RBM44: variants seen among roughly 807,000 people sequenced by gnomAD.
RBM44 encodes the protein RNA binding motif protein 44.
RBM44 carries 66 observed loss-of-function variants against 105.1 expected under a neutral mutation model. That is an observed-to-expected ratio of 0.63 (90% CI 0.52 to 0.77). The LOEUF (loss-of-function observed/expected upper bound fraction) is 0.77. RBM44 is among the 30% of genes least tolerant of loss of function. RBM44 has a pLI of 0.00. For missense variants in RBM44, 1,122 were observed against 1,207.8 expected, an observed-to-expected ratio of 0.93 and a Z score of 1.05; for synonymous variants, 365 against 417.6, an observed-to-expected ratio of 0.87 and a Z score of 1.54.
chr2:237,806,788 C>T (rs1275102720), intron 1 of RBM44, among the ~76,000 whole-genome samples: 1 of 152,104 alleles, frequency 6.6e-6, no homozygotes, highest in Non-Finnish European at 1.5e-5. Flanking sequence ...TATCCCATGC[C>T]TTGACCTTAA....
At chr2:237,811,458 G>A (rs756082613) in intron 1 of RBM44, among the ~76,000 whole-genome samples, 13 of 151,928 alleles carry the variant, frequency 8.6e-5, no homozygotes, top group Non-Finnish European at 1.5e-4. Context: ...TTGTGGAGTC[G>A]GGGTTTTGCC....
rs1430811883 is a variant in RBM44, at chr2:237,829,469, T to C, written c.2853T>C (p.Ser951=). 4.3e-6 allele frequency: 7 copies of C among 1,613,312 alleles called. No homozygotes were observed. Among genetic ancestry groups the C allele is most frequent in the Non-Finnish European group, 5.9e-6 (7 of 1,179,612 alleles). The change falls in exon 13 of 16, where the codon TCT becomes TCC. Residue 951 remains serine (S), a synonymous_variant. Coordinates refer to ENST00000316997, the MANE Select transcript of RBM44 (RefSeq NM_001080504.3). The part of the protein sequence containing the change: ...LPRTRPRQLG[S]EQDSEVFPSD... ...GAACTAGGCCACGGCAGCTGGGTTC[T>C]GAGCAAGACAGTGAGGTTTTCCCTT...
chr2:237,841,364 CTT>C lies in RBM44; in HGVS notation c.*23-473_*23-472del, dbSNP rs952544021. 8.5e-5 allele frequency among the ~76,000 whole-genome samples: 13 copies of C among 152,144 alleles called. No homozygotes were observed. Among genetic ancestry groups the C allele is most frequent in the African/African-American group, 3.1e-4 (13 of 41,434 alleles). Reference sequence around the variant, plus strand: ...ATCTTACTTATAAATGGCAGCTAAACTTTGAGTACACATGGACAAAGAAGGGA... The same window carrying C: ...ATCTTACTTATAAATGGCAGCTAAACTGAGTACACATGGACAAAGAAGGGA... On this transcript the variant is annotated intron_variant, in intron 15 of 15. Coordinates refer to ENST00000316997, the MANE Select transcript of RBM44 (RefSeq NM_001080504.3). The surrounding 1 kb of genome is among the most constrained non-coding windows in gnomAD (Gnocchi z 4.5).
Position 237,821,785 on chromosome 2 carries a change from T to A in RBM44, c.2163T>A (p.His721Gln). Reference protein sequence around the residue: ...ADAEQDNQRAHDVDVSSNLKK... With the variant: ...ADAEQDNQRAQDVDVSSNLKK... ...CTGAACAAGATAATCAGAGGGCTCA[T>A]GATGTTGATGTTTCTTCAAACCTAA... is the stretch of plus-strand genomic sequence containing the variant. The change falls in exon 8 of 16, where the codon CAT (histidine) becomes CAA (glutamine). Residue 721 changes from histidine (H) to glutamine (Q), a missense_variant. This residue lies in a region of RBM44 where 918 missense variants were observed against 955.3 expected (regional missense o/e 0.96). Coordinates refer to ENST00000316997, the MANE Select transcript of RBM44 (RefSeq NM_001080504.3). The A allele has an allele frequency of 6.2e-7, 1 of 1,611,514 alleles. No individual in the cohort carries two copies. Among genetic ancestry groups the A allele is most frequent in the Non-Finnish European group, 8.5e-7 (1 of 1,178,344 alleles).
At chr2:237,833,537 A>G (rs2061923098) in intron 13 of RBM44, among the ~76,000 whole-genome samples, 1 of 152,220 alleles carries the variant, frequency 6.6e-6, no homozygotes, top group Admixed American at 6.5e-5. Context: ...AATACAATGT[A>G]AAATATCTCT....
intron 1 of RBM44, among the ~76,000 whole-genome samples, chr2:237,808,499 GT>G (rs2061622253): frequency 6.6e-6 from 1 of 151,310 alleles, no homozygotes; most frequent in African/African-American, 2.4e-5. Flanking sequence ...AAAAAACTAG[GT>G]AAAAATTCTA....
chr2:237,800,630 T>C (rs2061535827), intron 1 of RBM44, among the ~76,000 whole-genome samples: 1 of 152,140 alleles, frequency 6.6e-6, no homozygotes. Context: ...TATGAATAAA[T>C]TAATAAATAT....
intron 5 of RBM44, chr2:237,820,762 G>C (rs186537893): frequency 7.3e-6 from 2 of 272,902 alleles, no homozygotes. Context: ...TTAGAACCAA[G>C]TGGGGTTGGG....
chr2:237,815,443 C>A (rs2061705103), intron 2 of RBM44, among the ~76,000 whole-genome samples: 1 of 152,074 alleles, frequency 6.6e-6, no homozygotes, highest in Non-Finnish European at 1.5e-5. Flanking sequence ...ATCTCTTTAG[C>A]CCTGAATATT....
intron 12 of RBM44, 76 bp downstream of exon 12, chr2:237,827,579 C>G: frequency 1.2e-6 from 1 of 833,414 alleles, no homozygotes; most frequent in South Asian, 1.6e-5. Flanking sequence ...CAGATATCAG[C>G]CACAGTGGTG....
At chr2:237,801,562 A>G (rs564370396) in intron 1 of RBM44, among the ~76,000 whole-genome samples, 2 of 152,224 alleles carry the variant, frequency 1.3e-5, no homozygotes, top group East Asian at 3.9e-4. Context: ...CCTGAGCTCA[A>G]GTGAGCCACC....
chr2:237,820,911 G>A, intron 5 of RBM44, 160 bp from the exon 6 acceptor site: 2 of 518,886 alleles, frequency 3.9e-6, no homozygotes, highest in Admixed American at 7.6e-5. Flanking sequence ...AAATTAGCTG[G>A]GCATTGTGGC....
chr2:237,819,067 T>C (rs2061754790), intron 4 of RBM44, 108 bp downstream of exon 4: 1 of 502,192 alleles, frequency 2.0e-6, no homozygotes, highest in Admixed American at 3.8e-5. Context: ...TAAAATGGAC[T>C]TTAAGAAATC....
chr2:237,804,991 G>A (rs148341168), intron 1 of RBM44, among the ~76,000 whole-genome samples: 69 of 152,268 alleles, frequency 4.5e-4, no homozygotes, highest in African/African-American at 1.3e-3. Context: ...GGAAGTCCTC[G>A]CCAGAGCAAT....
chr2:237,817,174 A>G lies in RBM44; in HGVS notation c.255A>G (p.Gln85=), dbSNP rs1055635271. The stretch of plus-strand genomic sequence containing the variant: ...TAGAGCCATTTTTTTCAGTGAGTCA[A>G]GATACTAACACAGAGAGTACTCAGT... ...DLLEPFFSVS[Q]DTNTESTQFQ... The change falls in exon 3 of 16, where the codon CAA becomes CAG. Residue 85 remains glutamine, a synonymous_variant. Transcript: ENST00000316997. 2 of 1,605,838 alleles carry G rather than the reference A, an allele frequency of 1.2e-6. No individual in the cohort carries two copies. The highest frequency in any genetic ancestry group is 1.7e-6 in the Non-Finnish European group (2 of 1,176,700).
At chr2:237,816,467 G>A (rs777964579) in intron 2 of RBM44, among the ~76,000 whole-genome samples, 4 of 152,076 alleles carry the variant, frequency 2.6e-5, no homozygotes, top group Non-Finnish European at 4.4e-5. Context: ...TCTTCCCATC[G>A]AAAGAATTCA....
chr2:237,814,802 T>C (rs1022197390), intron 2 of RBM44, among the ~76,000 whole-genome samples: 1 of 152,102 alleles, frequency 6.6e-6, no homozygotes, highest in African/African-American at 2.4e-5. Flanking sequence ...CAATTGACCA[T>C]CCATTTTGGA....
intron 13 of RBM44, among the ~76,000 whole-genome samples, chr2:237,832,210 A>C (rs1241775873): frequency 2.0e-5 from 3 of 148,470 alleles, no homozygotes; most frequent in Non-Finnish European, 4.4e-5. Context: ...GCTGGGGTGC[A>C]GTGGCACAAC....
At chr2:237,802,456 G>C (rs1324584092) in intron 1 of RBM44, among the ~76,000 whole-genome samples, 1 of 152,114 alleles carries the variant, frequency 6.6e-6, no homozygotes, top group Non-Finnish European at 1.5e-5. Flanking sequence ...CAATCCTCTG[G>C]TCCGTGGAAA....
Sources: allele counts gnomAD v4.1 joint callset (sites outside exome capture counted in the v4.1 genomes callset), GRCh38; gene constraint gnomAD v4.1.1; regional missense constraint gnomAD v4.1.1; non-coding constraint Gnocchi (gnomAD v3.1); transcripts MANE v1.5; gene names NCBI Gene and HGNC (gene_info 2026-07-23, HGNC 2026-07-21).